Variants in CELF2 observed in about 807,000 individuals in gnomAD.
CELF2 encodes CUG triplet repeat RNA-binding protein 2.
A neutral mutation model predicts 62.6 loss-of-function variants in CELF2; 8 were observed. That is an observed-to-expected ratio of 0.13 (90% CI 0.07 to 0.23). The LOEUF is 0.23. Among genes scored for constraint, CELF2 ranks in the 10% least tolerant of loss-of-function variants. CELF2 has a pLI of 1.00. For synonymous variants in CELF2, 258 were observed against 250.0 expected (o/e 1.03, Z -0.30); for missense variants, 333 against 671.0 (o/e 0.50, Z 5.56).
intron 1 of CELF2, among the ~76,000 whole-genome samples, chr10:11,144,224 A>G (rs1289975721): frequency 6.6e-6 from 1 of 152,202 alleles, no homozygotes; most frequent in Non-Finnish European, 1.5e-5. Flanking sequence ...TCAGAAAAGC[A>G]GCAGGCTTGT....
chr10:11,188,296 G>A (rs952793387), intron 2 of CELF2, among the ~76,000 whole-genome samples: 3 of 152,106 alleles, frequency 2.0e-5, no homozygotes, highest in Non-Finnish European at 2.9e-5. Context: ...GTAGAGATGG[G>A]GTTTCTCCAT....
At chr10:10,524,678 G>C in the CELF2 span, among the ~76,000 whole-genome samples, 1 of 151,982 alleles carries the variant, frequency 6.6e-6, no homozygotes, top group Non-Finnish European at 1.5e-5. Flanking sequence ...AAGGTTTTAA[G>C]CACTATCTTC....
Position 11,011,372 on chromosome 10 carries a change from A to G in CELF2, c.53+5932A>G, listed in dbSNP as rs988768356. 6.6e-6 allele frequency among the ~76,000 whole-genome samples: 1 copy of G among 151,092 alleles called. No homozygotes were observed. Among genetic ancestry groups the G allele is most frequent in the Non-Finnish European group, 1.5e-5 (1 of 67,760 alleles). On this transcript the variant is annotated intron_variant, in intron 1 of 12. Coordinates refer to the CELF2 transcript ENST00000416382. This position sits in a 1 kb window ranked among gnomAD's most constrained non-coding sequence, Gnocchi z 4.6. ...AAGTGGCGAGATGCAGAGACAGGGG[A>G]GTTGAGCTGGGCCCTGAAGGATGGG...
the CELF2 span, among the ~76,000 whole-genome samples, chr10:10,490,776 C>G: frequency 3.3e-5 from 5 of 152,098 alleles, no homozygotes; most frequent in Non-Finnish European, 7.4e-5. Context: ...AAGTAAACAG[C>G]CTTCTTCCCA....
upstream of CELF2, among the ~76,000 whole-genome samples, chr10:11,017,544 T>TCGGG (rs1182053831): frequency 8.5e-5 from 13 of 152,270 alleles, no homozygotes; most frequent in East Asian, 2.5e-3. The surrounding 1 kb of genome is among the most constrained non-coding windows in gnomAD (Gnocchi z 5.5). Context: ...AAGCGAACCC[T>TCGGG]CGGGCTGCTC....
chr10:11,120,824 T>A (rs17375715), intron 1 of CELF2, among the ~76,000 whole-genome samples: 2 of 152,028 alleles, frequency 1.3e-5, no homozygotes, highest in South Asian at 2.1e-4. Context: ...ATAGTGAGAC[T>A]TACGGCAGCA....
At chr10:11,176,843 A>G (rs1305795616) in intron 2 of CELF2, among the ~76,000 whole-genome samples, 1 of 152,214 alleles carries the variant, frequency 6.6e-6, no homozygotes, top group Non-Finnish European at 1.5e-5. Flanking sequence ...CCGCTTTTAC[A>G]TAGCCTCTTG....
Position 11,329,590 on chromosome 10 carries a change from C to CCA in CELF2, c.*541_*542dup, listed in dbSNP as rs1412655598. The CCA allele has an allele frequency of 2.0e-5, 3 of 152,652 alleles. No homozygotes were observed. The highest frequency in any genetic ancestry group is 2.1e-4 in the South Asian group (1 of 4,828). The allele number at this position is 152,652 out of a possible 1,614,324, so 9.5% of individuals were successfully genotyped here. A position where few individuals can be genotyped will look rare whatever the true frequency, so the allele number is the denominator to read the frequency against. On this transcript the variant is annotated 3_prime_UTR_variant, in exon 13 of 13. Transcript: ENST00000633077. The surrounding 1 kb of genome is among the most constrained non-coding windows in gnomAD (Gnocchi z 5.5). ...AAGCCAGGAGAAGCACTTACTCCAA[C>CCA]CACACGTCTTTCCACTACATCGGCT... is the stretch of plus-strand genomic sequence containing the variant.
At chr10:11,208,188 G>T (rs762045145) in intron 2 of CELF2, among the ~76,000 whole-genome samples, 1 of 152,122 alleles carries the variant, frequency 6.6e-6, no homozygotes. Flanking sequence ...AAATGGGAGG[G>T]TGTGGGGAGT....
rs1056038428 is a variant in CELF2 at position 11,217,224 on chromosome 10, C to T, written c.272-201C>T. Among the ~76,000 whole-genome samples, 96 of 152,292 alleles carry T rather than the reference C, an allele frequency of 6.3e-4. 1 individual carries two copies. Among genetic ancestry groups the T allele is most frequent in the African/African-American group, 2.2e-3 (91 of 41,534 alleles). On this transcript the variant is annotated intron_variant, in intron 2 of 12. Transcript: ENST00000633077. The surrounding 1 kb of genome is among the most constrained non-coding windows in gnomAD (Gnocchi z 5.6). The stretch of plus-strand genomic sequence containing the variant: ...CACAGAGTCAGGAATTGATCTCCAA[C>T]GTGGGTAAAGCTAATAAATATGATT...
At position 11,336,403 on chromosome 10, in the gene CELF2, AAAT is replaced by A. The variant is rs1401044914; in HGVS notation, c.*7351_*7353del. ...ACCATGAAACGTTTCTATTGAGTGA[AAAT>A]GATATCTTAACAAAATCTATGCACT... is the stretch of plus-strand genomic sequence containing the variant. On this transcript the variant is annotated 3_prime_UTR_variant, in exon 13 of 13. Coordinates refer to ENST00000633077, the MANE Select transcript of CELF2 (RefSeq NM_001326342.2). The surrounding 1 kb of genome is among the most constrained non-coding windows in gnomAD (Gnocchi z 5.4). 6.5e-6 allele frequency: 1 copy of A among 152,682 alleles called. No homozygotes were observed. The highest frequency in any genetic ancestry group is 2.4e-5 in the African/African-American group (1 of 41,458). 9.5% of individuals were successfully genotyped at this position (152,682 alleles called of 1,614,324 possible). A position where few individuals can be genotyped will look rare whatever the true frequency, so the allele number is the denominator to read the frequency against.
the CELF2 span, among the ~76,000 whole-genome samples, chr10:10,761,927 TGTGTGTG>T: frequency 6.6e-6 from 1 of 150,852 alleles, no homozygotes; most frequent in African/African-American, 2.4e-5. Flanking sequence ...TGTGTGTGTG[TGTGTGTG>T]TGTGTGTGTG....
intron 1 of CELF2, among the ~76,000 whole-genome samples, chr10:11,019,201 A>T (rs1415911890): frequency 6.6e-6 from 1 of 152,190 alleles, no homozygotes; most frequent in East Asian, 1.9e-4. Flanking sequence ...AAGGAAACCT[A>T]AAAAGAGAGA....
chr10:10,873,248 A>G (rs2060867977), intron 1 of CELF2, among the ~76,000 whole-genome samples: 1 of 152,230 alleles, frequency 6.6e-6, no homozygotes, highest in African/African-American at 2.4e-5. Flanking sequence ...TAAAATTTGC[A>G]GCAGTCAATG....
intron 1 of CELF2, among the ~76,000 whole-genome samples, chr10:10,861,943 A>G (rs576559547): frequency 6.6e-6 from 1 of 152,102 alleles, no homozygotes; most frequent in African/African-American, 2.4e-5. Context: ...GAGTCAACCT[A>G]TTTTCTTTTT....
At chr10:11,325,725 G>A in intron 11 of CELF2, 111 bp from the exon 12 acceptor site, 1 of 912,276 alleles carries the variant, frequency 1.1e-6, no homozygotes, top group Non-Finnish European at 1.6e-6. Context: ...CCATCTGTTT[G>A]TTTGTTCAAC....
At chr10:11,215,642 TCC>T (rs1261781315) in intron 2 of CELF2, among the ~76,000 whole-genome samples, 34 of 151,890 alleles carry the variant, frequency 2.2e-4, no homozygotes, top group African/African-American at 7.2e-4. Context: ...ATTCAGAACT[TCC>T]CCACTGCTTC....
the CELF2 span, among the ~76,000 whole-genome samples, chr10:10,744,903 A>G: frequency 6.6e-6 from 1 of 152,026 alleles, no homozygotes; most frequent in Non-Finnish European, 1.5e-5. Context: ...CCAACTCTCC[A>G]TTTTACCAAT....
chr10:10,498,784 T>C, the CELF2 span, among the ~76,000 whole-genome samples: 1 of 152,170 alleles, frequency 6.6e-6, no homozygotes, highest in Non-Finnish European at 1.5e-5. Context: ...ATTAACTCAT[T>C]TCATTAAAAA....
Sources: gnomAD v4.1 joint callset for allele counts (sites outside exome capture counted in the v4.1 genomes callset) on GRCh38, gnomAD v4.1.1 for gene constraint, Gnocchi (gnomAD v3.1) non-coding constraint, MANE v1.5 for transcripts, NCBI Gene and HGNC (gene_info 2026-07-23, HGNC 2026-07-21) for gene names.